DISP1: variants seen among roughly 807,000 people sequenced by gnomAD.
The protein encoded by DISP1 is protein dispatched homolog 1.
Under a neutral mutation model 37.3 loss-of-function variants are expected in DISP1, and 30 were observed. The ratio of observed to expected loss-of-function variants is 0.80; its 90% confidence interval spans 0.60 to 1.09. The LOEUF (loss-of-function observed/expected upper bound fraction) is 1.09. Ranked by LOEUF, DISP1 falls within the 50% of genes least tolerant of loss-of-function variation. DISP1 has a pLI of 0.00. For synonymous variants in DISP1, 634 were observed against 690.2 expected (o/e 0.92, Z 1.28); for missense variants, 1,598 against 1,879.5 (o/e 0.85, Z 2.77).
chr1:222,955,425 TTGAGTTA>T, intron 3 of DISP1, among the ~76,000 whole-genome samples: 1 of 152,244 alleles, frequency 6.6e-6, no homozygotes, highest in East Asian at 1.9e-4. Flanking sequence ...AACTTAGGGT[TTGAGTTA>T]TGATTTTTTG....
chr1:222,908,085 C>T (rs890378130), intron 1 of DISP1, among the ~76,000 whole-genome samples: 6 of 152,128 alleles, frequency 3.9e-5, no homozygotes, highest in African/African-American at 1.4e-4. Flanking sequence ...AGGCTTTCAG[C>T]TTCACGGGTG....
chr1:222,988,064 T>C lies in DISP1; in HGVS notation c.540-2561T>C, dbSNP rs142566273. ...TGTGAAAGCTTCTAGACACTTGGTG[T>C]TTACATTTGAACAACCACAATCAGC... On this transcript the variant is annotated intron_variant, in intron 4 of 8. Transcript: ENST00000675850. Among the ~76,000 whole-genome samples the C allele has an allele frequency of 9.1e-4, 139 of 152,356 alleles. 7 individuals carry two copies. In the East Asian group the frequency reaches 0.021, roughly 23 times the overall value.
chr1:222,917,976 G>A (rs1420871224), intron 1 of DISP1, among the ~76,000 whole-genome samples: 1 of 152,196 alleles, frequency 6.6e-6, no homozygotes, highest in Non-Finnish European at 1.5e-5. Flanking sequence ...CTGGGCAGAA[G>A]GGATCTTATA....
intron 1 of DISP1, among the ~76,000 whole-genome samples, chr1:222,914,317 C>T (rs1231035565): frequency 6.6e-6 from 1 of 152,084 alleles, no homozygotes; most frequent in African/African-American, 2.4e-5. Context: ...TCATTTTATG[C>T]TTTGAAGTTG....
chr1:222,898,457 T>C lies in DISP1; in HGVS notation c.-158-29973T>C, dbSNP rs557484241. ...CTTGAAACTCTTCCTGCCAAAAATT[T>C]TTTGAAGTGTTCCTTCATTTGTTCA... On this transcript the variant is annotated intron_variant, in intron 1 of 8. Transcript: ENST00000675850. 3.3e-5 allele frequency among the ~76,000 whole-genome samples: 5 copies of C among 152,220 alleles called. No homozygotes were observed. In the East Asian group the frequency reaches 9.6e-4, roughly 29 times the overall value.
intron 3 of DISP1, chr1:222,943,591 C>T (rs1175620793): frequency 3.7e-6 from 2 of 541,602 alleles, no homozygotes; most frequent in Non-Finnish European, 6.6e-6. Flanking sequence ...ATCTGCTAGA[C>T]CTTGAGTTAT....
chr1:222,976,625 TTACTC>T (rs1677353965), intron 3 of DISP1, among the ~76,000 whole-genome samples: 1 of 152,004 alleles, frequency 6.6e-6, no homozygotes, highest in African/African-American at 2.4e-5. Context: ...AATGAAATCT[TTACTC>T]AAGCAGAAAG....
intron 3 of DISP1, among the ~76,000 whole-genome samples, chr1:222,963,604 T>A (rs1324611445): frequency 1.3e-5 from 2 of 152,190 alleles, no homozygotes; most frequent in South Asian, 2.1e-4. Flanking sequence ...AACAAGATCA[T>A]GTCCTTTGCA....
intron 1 of DISP1, among the ~76,000 whole-genome samples, chr1:222,833,737 T>C (rs994079849): frequency 1.3e-5 from 2 of 152,248 alleles, no homozygotes; most frequent in African/African-American, 4.8e-5. Flanking sequence ...AGAAGCCAGA[T>C]TGATTTTTAT....
intron 1 of DISP1, among the ~76,000 whole-genome samples, chr1:222,862,721 TAG>T (rs1668950045): frequency 1.3e-5 from 2 of 151,920 alleles, no homozygotes; most frequent in South Asian, 4.2e-4. Flanking sequence ...TTTGTAGAAA[TAG>T]AGTCTCCCTA....
chr1:222,894,822 G>T (rs1242179307), intron 1 of DISP1, among the ~76,000 whole-genome samples: 1 of 152,262 alleles, frequency 6.6e-6, no homozygotes, highest in Non-Finnish European at 1.5e-5. Context: ...GGCTGCTCCA[G>T]ACGGGCTGCG....
rs1442700824 is a variant in DISP1 at position 222,895,510 on chromosome 1, AG to A, written c.-158-32917del. ...ATCTGTGATTTTCTTTTCCTTTGTG[AG>A]GGAATGCTGGGAATACATCAGTAGT... On this transcript the variant is annotated intron_variant, in intron 1 of 8. Transcript: ENST00000675850. 6.6e-5 allele frequency among the ~76,000 whole-genome samples: 10 copies of A among 152,132 alleles called. 1 individual carries two copies. The highest frequency in any genetic ancestry group is 5.9e-4 in the Admixed American group (9 of 15,282).
intron 1 of DISP1, among the ~76,000 whole-genome samples, chr1:222,904,498 ATATGT>A (rs1475814275): frequency 6.6e-6 from 1 of 151,854 alleles, no homozygotes; most frequent in East Asian, 1.9e-4. Flanking sequence ...TTTTAATATG[ATATGT>A]TATATAAATT....
In DISP1 at chr1:222,942,797, T is replaced by G; in HGVS notation, c.-17-10T>G. 1 of 1,614,122 alleles carries G rather than the reference T, an allele frequency of 6.2e-7. No homozygotes were observed. The highest frequency in any genetic ancestry group is 1.1e-5 in the South Asian group (1 of 91,054). The stretch of plus-strand genomic sequence containing the variant: ...CTGTAACTGGGCGATTTTATGATTT[T>G]CTTACTTAGAGTCAAGAAATTGGAG... On this transcript the variant is annotated splice_polypyrimidine_tract_variant and intron_variant, in intron 2 of 8. Transcript: ENST00000675850.
intron 1 of DISP1, among the ~76,000 whole-genome samples, chr1:222,842,928 ATAG>A (rs1445023794): frequency 1.3e-5 from 2 of 152,200 alleles, no homozygotes; most frequent in African/African-American, 4.8e-5. Context: ...AGGTTTCAGA[ATAG>A]TAGCCCATCA....
intron 8 of DISP1, among the ~76,000 whole-genome samples, chr1:222,999,930 A>G (rs564653261): frequency 3.2e-4 from 48 of 152,312 alleles, no homozygotes; most frequent in African/African-American, 1.1e-3. Context: ...CTCCCCAGTG[A>G]CTTACTAGCA....
At chr1:222,862,320 G>A (rs368836640) in intron 1 of DISP1, among the ~76,000 whole-genome samples, 16 of 151,660 alleles carry the variant, frequency 1.1e-4, no homozygotes, top group Admixed American at 3.9e-4. Flanking sequence ...AATGTTTCTC[G>A]GAGTCATTTG....
intron 1 of DISP1, among the ~76,000 whole-genome samples, chr1:222,860,799 C>A (rs756871721): frequency 2.0e-5 from 3 of 151,748 alleles, no homozygotes; most frequent in Admixed American, 2.0e-4. Flanking sequence ...GCAGGAGAAT[C>A]GCTTCAGAGA....
At chr1:222,828,658 T>G (rs1004858060) in intron 1 of DISP1, among the ~76,000 whole-genome samples, 1 of 152,182 alleles carries the variant, frequency 6.6e-6, no homozygotes, top group African/African-American at 2.4e-5. Flanking sequence ...TTGCTGCCTA[T>G]TACCCTATTT....
Sources: gnomAD v4.1 joint callset for allele counts (sites outside exome capture counted in the v4.1 genomes callset) on GRCh38, gnomAD v4.1.1 for gene constraint, MANE v1.5 for transcripts, NCBI Gene and HGNC (gene_info 2026-07-23, HGNC 2026-07-21) for gene names.